Variants in OVCH1 observed in about 807,000 individuals in gnomAD.
The protein encoded by OVCH1 is ovochymase 1, also known as ovochymase-1.
OVCH1 carries 139 observed loss-of-function variants against 138.4 expected under a neutral mutation model. The ratio of observed to expected loss-of-function variants is 1.00; its 90% CI spans 0.87 to 1.16. OVCH1 has a LOEUF of 1.16. Ranked by LOEUF, OVCH1 falls within the 50% of genes most tolerant of loss-of-function variation. OVCH1 has a pLI of 0.00. For synonymous variants in OVCH1, 453 were observed against 467.8 expected, an observed-to-expected ratio of 0.97 and a Z score of 0.41; for missense variants, 1,367 against 1,357.9, an observed-to-expected ratio of 1.01 and a Z score of -0.11.
At chr12:29,439,710 T>C (rs948218396) in intron 25 of OVCH1, among the ~76,000 whole-genome samples, 143 bp downstream of exon 26, 3 of 152,076 alleles carry the variant, frequency 2.0e-5, no homozygotes, top group Non-Finnish European at 4.4e-5. Flanking sequence ...CTGCTCTCAC[T>C]CCCCACTTCA....
rs554260349 is a variant in OVCH1, at chr12:29,429,156, A to G, written c.3328-1508T>C. On this transcript the variant is annotated intron_variant, in intron 27 of 27. Coordinates refer to ENST00000318184, the Ensembl canonical transcript of OVCH1. ...AAAGGGCCATCTATATTATGAGTATAAAACCTGATACTGGTAACACTGAGT... is the reference window on the plus strand; with the variant it reads ...AAAGGGCCATCTATATTATGAGTATGAAACCTGATACTGGTAACACTGAGT... 5.0e-4 allele frequency among the ~76,000 whole-genome samples: 76 copies of G among 152,334 alleles called. 1 individual carries two copies. The highest frequency in any genetic ancestry group is 1.8e-3 in the African/African-American group (75 of 41,564).
Position 29,443,433 on chromosome 12 carries a change from T to A in OVCH1, c.3085A>T (p.Lys1029Ter). The A allele has an allele frequency of 6.2e-7, 1 of 1,611,544 alleles. No individual in the cohort carries two copies. The highest frequency in any genetic ancestry group is 8.5e-7 in the Non-Finnish European group (1 of 1,178,414). The change falls in exon 25 of 28, where the codon AAG becomes TAG. Residue 1029 changes from lysine (K) to a stop codon, truncating the protein, a stop_gained. Transcript: ENST00000318184. LOFTEE classifies it high-confidence loss of function. ...CCATGACAGACAAAAGTTGTTGGCT[T>A]CATCGGGAAGTTAATAATATTAAGC...
exon 1 of OVCH1, chr12:29,497,660 C>T (rs751532261): frequency 6.2e-7 from 1 of 1,614,024 alleles, no homozygotes; most frequent in South Asian, 1.1e-5. Flanking sequence ...GCAACAGCAA[C>T]AAACCAGCAC....
At chr12:29,425,278 C>G (rs1256491729), downstream of OVCH1, among the ~76,000 whole-genome samples, 1 of 152,082 alleles carries the variant, frequency 6.6e-6, no homozygotes, top group Non-Finnish European at 1.5e-5. Context: ...GACAGAAATA[C>G]AGAAAACACA....
At chr12:29,459,023 T>C (rs1272579938) in intron 19 of OVCH1, among the ~76,000 whole-genome samples, 1 of 152,262 alleles carries the variant, frequency 6.6e-6, no homozygotes, top group South Asian at 2.1e-4. Context: ...AGGGAACCCA[T>C]GTACATTATT....
chr12:29,445,085 T>C (rs984433051), intron 23 of OVCH1, among the ~76,000 whole-genome samples, 193 bp downstream of exon 23: 2 of 152,114 alleles, frequency 1.3e-5, no homozygotes, highest in African/African-American at 4.8e-5. Flanking sequence ...AATCAAGTTA[T>C]CCATTGAGCA....
In OVCH1 at chr12:29,488,620, C is replaced by CAAAAAAAAAAAAAAAAAAA. The variant is rs67595567; in HGVS notation, c.703-757_703-739dup. On this transcript the variant is annotated intron_variant, in intron 6 of 27. Coordinates refer to ENST00000318184, the Ensembl canonical transcript of OVCH1. ...TGGGCAACAGAGTGAGACTCCATCTCAAAAAAAAAAAAAAAAAAAAAAAGA... is the reference window on the plus strand; with the variant it reads ...TGGGCAACAGAGTGAGACTCCATCTCAAAAAAAAAAAAAAAAAAAAAAAAAAAAAAAAAAAAAAAAAAGA... Among the ~76,000 whole-genome samples the CAAAAAAAAAAAAAAAAAAA allele has an allele frequency of 7.3e-4, 45 of 61,722 alleles. 1 individual carries two copies. In the East Asian group the frequency reaches 0.011, roughly 15 times the overall value. 40.5% of individuals were successfully genotyped at this position (61,722 alleles called of 152,430 possible).
At chr12:29,409,883 G>A (rs1940931295), downstream of OVCH1, among the ~76,000 whole-genome samples, 2 of 152,082 alleles carry the variant, frequency 1.3e-5, no homozygotes, top group African/African-American at 4.8e-5. Flanking sequence ...CTGTCTCATC[G>A]ATCTGTCTAC....
downstream of OVCH1, among the ~76,000 whole-genome samples, chr12:29,409,220 A>G (rs1298378688): frequency 2.0e-5 from 3 of 152,134 alleles, no homozygotes; most frequent in Non-Finnish European, 2.9e-5. Flanking sequence ...TAGTCTTGCT[A>G]GCGGTCTATC....
At chr12:29,427,705 C>T in intron 27 of OVCH1, 1 of 1,529,090 alleles carries the variant, frequency 6.5e-7, no homozygotes, top group Admixed American at 2.0e-5. Context: ...TTTGTTATAG[C>T]AGCTTGAATG....
At chr12:29,464,337 AAATAGCTC>A in intron 18 of OVCH1, 162 bp downstream of exon 18, 1 of 807,494 alleles carries the variant, frequency 1.2e-6, no homozygotes, top group Non-Finnish European at 2.0e-6. Flanking sequence ...GAAAAGTTTT[AAATAGCTC>A]ATTCTCTATT....
intron 4 of OVCH1, among the ~76,000 whole-genome samples, chr12:29,493,825 T>G (rs1236596453): frequency 6.6e-6 from 1 of 151,990 alleles, no homozygotes. Context: ...ATTCTGATTG[T>G]TAATTCTTCA....
At chr12:29,470,948 T>C (rs1260030459) in intron 16 of OVCH1, among the ~76,000 whole-genome samples, 2 of 152,208 alleles carry the variant, frequency 1.3e-5, no homozygotes, top group African/African-American at 4.8e-5. Context: ...GTGGTTTTGA[T>C]TTGCATTTCT....
chr12:29,435,580 T>C (rs1481524593), intron 26 of OVCH1, among the ~76,000 whole-genome samples: 2 of 152,032 alleles, frequency 1.3e-5, no homozygotes, highest in Non-Finnish European at 2.9e-5. Flanking sequence ...GGTCTTGATC[T>C]CCTGACCCCG....
rs191090772 is a variant in OVCH1 at position 29,489,460 on chromosome 12, C to G, written c.702+160G>C. ...GAGACAGGAAATAATTCTTTCTGCT[C>G]AGGTCAAGTACACTTTTTCAGTAGA... is the stretch of plus-strand genomic sequence containing the variant. On this transcript the variant is annotated intron_variant, in intron 6 of 27. Transcript: ENST00000318184. 2.0e-5 allele frequency among the ~76,000 whole-genome samples: 3 copies of G among 152,192 alleles called. No homozygotes were observed. The South Asian group carries it at 6.2e-4, about 32-fold the overall frequency.
chr12:29,486,941 G>A (rs1310885672), intron 7 of OVCH1: 2 of 455,648 alleles, frequency 4.4e-6, no homozygotes, highest in Non-Finnish European at 4.4e-6. Flanking sequence ...CTGCAGTGGA[G>A]CAGTGAAGAG....
chr12:29,467,191 A>G (rs1942351507), intron 16 of OVCH1, among the ~76,000 whole-genome samples: 1 of 152,150 alleles, frequency 6.6e-6, no homozygotes, highest in South Asian at 2.1e-4. Context: ...GTCACCCTCT[A>G]AATAATTACT....
In OVCH1 at chr12:29,491,995, T is replaced by A. The variant is rs558673347; in HGVS notation, c.455-803A>T. On this transcript the variant is annotated intron_variant, in intron 4 of 27. Coordinates refer to ENST00000318184, the Ensembl canonical transcript of OVCH1. ...AACCTCATGAGTGTATATATTTGTG[T>A]TTGTGTGTTGGGTGAGAGGAGAAGA... is the stretch of plus-strand genomic sequence containing the variant. Among the ~76,000 whole-genome samples the A allele has an allele frequency of 3.3e-5, 5 of 152,292 alleles. No individual in the cohort carries two copies. The South Asian group carries it at 1.0e-3, about 32-fold the overall frequency.
chr12:29,440,468 A>T (rs1443292780), intron 25 of OVCH1: 1 of 268,028 alleles, frequency 3.7e-6, no homozygotes, highest in African/African-American at 2.3e-5. Context: ...AAACTCCTCC[A>T]AGCAGCACAA....
Sources: gnomAD v4.1 joint callset for allele counts (sites outside exome capture counted in the v4.1 genomes callset) on GRCh38, gnomAD v4.1.1 for gene constraint, MANE v1.5 for transcripts, NCBI Gene and HGNC (gene_info 2026-07-23, HGNC 2026-07-21) for gene names.